GRM1: variants seen among roughly 807,000 people sequenced by gnomAD.
The protein encoded by GRM1 is metabotropic glutamate receptor 1.
GRM1 carries 33 observed loss-of-function variants against 90.9 expected under a neutral mutation model. The observed-to-expected ratio is 0.36, with a 90% CI of 0.28 to 0.49. The LOEUF (loss-of-function observed/expected upper bound fraction) is 0.49, where lower values mean the gene tolerates loss of function less well. GRM1 is among the 20% of genes least tolerant of loss of function. The pLI, the probability that GRM1 is intolerant of heterozygous loss-of-function variation, is 0.99. For synonymous variants in GRM1, 700 were observed against 613.2 expected (o/e 1.14, Z -2.09); for missense variants, 1,190 against 1,534.3 (o/e 0.78, Z 3.75).
intron 1 of GRM1, among the ~76,000 whole-genome samples, chr6:146,123,806 G>C (rs1583035363): frequency 6.6e-6 from 1 of 152,212 alleles, no homozygotes; most frequent in South Asian, 2.1e-4. Flanking sequence ...CCACTGTTCT[G>C]GTCTCTGGCT....
chr6:146,434,487 G>T lies in GRM1; in HGVS notation c.3276G>T (p.Pro1092=). 6.2e-7 allele frequency: 1 copy of T among 1,614,036 alleles called. No individual in the cohort carries two copies. Among genetic ancestry groups the T allele is most frequent in the Non-Finnish European group, 8.5e-7 (1 of 1,180,000 alleles). The change falls in exon 8 of 8, where the codon CCG becomes CCT. Residue 1092 remains proline, a synonymous_variant. Coordinates refer to ENST00000282753, the MANE Select transcript of GRM1 (RefSeq NM_001278064.2). ...LSTFGEELVS[P]PADDDDDSER... ...CCTTTGGGGAGGAGCTGGTCTCCCCGCCCGCGGACGACGACGACGACAGCG... is the reference window on the plus strand; with the variant it reads ...CCTTTGGGGAGGAGCTGGTCTCCCCTCCCGCGGACGACGACGACGACAGCG...
At chr6:146,295,305 C>T (rs1177802335) in intron 2 of GRM1, among the ~76,000 whole-genome samples, 1 of 152,098 alleles carries the variant, frequency 6.6e-6, no homozygotes, top group Non-Finnish European at 1.5e-5. Context: ...CTCACTGCAA[C>T]CTCTGCCTCC....
intron 1 of GRM1, among the ~76,000 whole-genome samples, chr6:146,120,940 T>C (rs1775961956): frequency 6.6e-6 from 1 of 152,250 alleles, no homozygotes; most frequent in South Asian, 2.1e-4. Context: ...ATCAGTATGA[T>C]ACTGGCCTCA....
intron 1 of GRM1, among the ~76,000 whole-genome samples, chr6:146,043,559 A>G (rs937848643): frequency 6.6e-6 from 1 of 151,574 alleles, no homozygotes; most frequent in African/African-American, 2.4e-5. Context: ...TGTTTCTCTT[A>G]AAGAGCTAAC....
intron 1 of GRM1, among the ~76,000 whole-genome samples, chr6:146,113,827 T>G (rs1354503168): frequency 2.6e-5 from 4 of 152,186 alleles, no homozygotes; most frequent in Admixed American, 1.3e-4. Flanking sequence ...AGCCTGTATC[T>G]TTTTCTCAGA....
intron 3 of GRM1, among the ~76,000 whole-genome samples, chr6:146,330,230 G>A (rs910444958): frequency 4.6e-5 from 7 of 152,180 alleles, no homozygotes; most frequent in African/African-American, 1.7e-4. Flanking sequence ...TGCTGCATTG[G>A]TTTTCTTTTT....
intron 2 of GRM1, among the ~76,000 whole-genome samples, chr6:146,300,680 A>G (rs550383850): frequency 6.6e-6 from 1 of 152,236 alleles, no homozygotes; most frequent in Admixed American, 6.5e-5. Flanking sequence ...TGCTAGAGGC[A>G]GTGAATGTGC....
At chr6:146,247,521 A>C (rs1260008947) in intron 2 of GRM1, among the ~76,000 whole-genome samples, 1 of 151,848 alleles carries the variant, frequency 6.6e-6, no homozygotes, top group Non-Finnish European at 1.5e-5. Context: ...GGCTGAGGCG[A>C]GTGGATCACT....
chr6:146,152,000 G>A (rs1345644985), intron 1 of GRM1, among the ~76,000 whole-genome samples: 1 of 152,064 alleles, frequency 6.6e-6, no homozygotes, highest in Admixed American at 6.6e-5. Flanking sequence ...ATATTAAATT[G>A]TGTATGTTAT....
intron 3 of GRM1, among the ~76,000 whole-genome samples, chr6:146,338,350 T>C (rs362985): frequency 0.22 from 33,847 of 152,148 alleles, 7,847 homozygotes; most frequent in African/African-American, 0.59. Context: ...TCTAACAAGC[T>C]CAGCCCCAAC....
At position 146,399,751 on chromosome 6, in the gene GRM1, T is replaced by TCTCTCTCTC. The variant is rs1777088145; in HGVS notation, c.2660+52_2660+53insCTCTCTCTC. Reference sequence around the variant, plus strand: ...CTTTTCTCTTCCTTTCTCTGTCTCTTTCTCTCTCTCTCTCTCTCTCTCTTT... The same window carrying TCTCTCTCTC: ...CTTTTCTCTTCCTTTCTCTGTCTCTTCTCTCTCTCTCTCTCTCTCTCTCTCTCTCTCTTT... On this transcript the variant is annotated intron_variant, in intron 7 of 7. Coordinates refer to ENST00000282753, the MANE Select transcript of GRM1 (RefSeq NM_001278064.2). This position sits in a 1 kb window ranked among gnomAD's most constrained non-coding sequence, Gnocchi z 5.4. 2 of 836,648 alleles carry TCTCTCTCTC rather than the reference T, an allele frequency of 2.4e-6. No individual in the cohort carries two copies. Among genetic ancestry groups the TCTCTCTCTC allele is most frequent in the African/African-American group, 3.6e-5 (2 of 56,328 alleles). 51.8% of individuals were successfully genotyped at this position (836,648 alleles called of 1,614,324 possible). A position where few individuals can be genotyped will look rare whatever the true frequency, so the allele number is the denominator to read the frequency against.
At chr6:146,322,279 C>G (rs1042659944) in intron 3 of GRM1, among the ~76,000 whole-genome samples, 1 of 152,170 alleles carries the variant, frequency 6.6e-6, no homozygotes, top group African/African-American at 2.4e-5. Flanking sequence ...GAAGCTTCAT[C>G]CCAGAGGGTA....
At position 146,192,131 on chromosome 6, in the gene GRM1, G is replaced by T. The variant is rs150387237; in HGVS notation, c.950+32534G>T. ...TCTAAGACAATTTCCAAATGCTAGC[G>T]TTCACTTATTGAAAAGGGGAAAGTC... On this transcript the variant is annotated intron_variant, in intron 2 of 7. Coordinates refer to ENST00000282753, the MANE Select transcript of GRM1 (RefSeq NM_001278064.2). 3.0e-3 allele frequency among the ~76,000 whole-genome samples: 460 copies of T among 152,176 alleles called. 3 individuals are homozygous for T. The highest frequency in any genetic ancestry group is 0.011 in the African/African-American group (438 of 41,510).
intron 7 of GRM1, among the ~76,000 whole-genome samples, chr6:146,426,028 G>C (rs7772678): frequency 0.13 from 19,465 of 152,120 alleles, 3,046 homozygotes; most frequent in African/African-American, 0.37. Context: ...AGGTGGGTCT[G>C]TTGCTGCTCC....
chr6:146,266,450 A>T (rs1438658086), intron 2 of GRM1, among the ~76,000 whole-genome samples: 1 of 151,950 alleles, frequency 6.6e-6, no homozygotes, highest in Non-Finnish European at 1.5e-5. Context: ...TGTCTTAATT[A>T]GTTCCATCAT....
chr6:146,244,690 C>A (rs1410458055), intron 2 of GRM1, among the ~76,000 whole-genome samples: 1 of 152,128 alleles, frequency 6.6e-6, no homozygotes, highest in Non-Finnish European at 1.5e-5. Context: ...TGCTAGTTAA[C>A]CGTGTGTAAT....
chr6:146,300,175 A>G (rs1366828326), intron 2 of GRM1, among the ~76,000 whole-genome samples: 1 of 152,204 alleles, frequency 6.6e-6, no homozygotes, highest in Non-Finnish European at 1.5e-5. Flanking sequence ...ACTTGAACTC[A>G]TAACACAAAT....
rs772206812 is a variant in GRM1, at chr6:146,150,213, TA to T, written c.701-9132del. Among the ~76,000 whole-genome samples, 225 of 152,214 alleles carry T rather than the reference TA, an allele frequency of 1.5e-3. 1 individual carries two copies. The highest frequency in any genetic ancestry group is 6.8e-3 in the Middle Eastern group (2 of 294). Reference sequence around the variant, plus strand: ...CCTCCCCTCTCCCCAAAGAATAATTTAAACCAGCTGATATCTGTCTGCACTG... The same window carrying T: ...CCTCCCCTCTCCCCAAAGAATAATTTAACCAGCTGATATCTGTCTGCACTG... On this transcript the variant is annotated intron_variant, in intron 1 of 7. Transcript: ENST00000282753.
chr6:146,288,498 G>GT (rs923387118), intron 2 of GRM1, among the ~76,000 whole-genome samples: 6 of 151,942 alleles, frequency 3.9e-5, no homozygotes, highest in African/African-American at 1.2e-4. Context: ...TTTGATTTTT[G>GT]TTTTTTTGGT....
Sources: gnomAD v4.1 joint callset for allele counts (sites outside exome capture counted in the v4.1 genomes callset) on GRCh38, gnomAD v4.1.1 for gene constraint, Gnocchi (gnomAD v3.1) non-coding constraint, MANE v1.5 for transcripts, NCBI Gene and HGNC (gene_info 2026-07-23, HGNC 2026-07-21) for gene names.